The following PKNOX2 variants were observed in gnomAD, a reference collection of about 807,000 sequenced individuals.
PKNOX2 encodes the protein homeobox protein PKNOX2.
A neutral mutation model predicts 53.1 loss-of-function variants in PKNOX2; 14 were observed. The ratio of observed to expected loss-of-function variants is 0.26; its 90% CI spans 0.17 to 0.41. The LOEUF (loss-of-function observed/expected upper bound fraction) is 0.41. PKNOX2 is among the 10% of genes least tolerant of loss of function. The pLI, the probability that PKNOX2 is intolerant of heterozygous loss-of-function variation, is 1.00. For missense variants in PKNOX2, 496 were observed against 602.8 expected (o/e 0.82, Z 1.85); for synonymous variants, 257 against 242.8 (o/e 1.06, Z -0.54).
chr11:125,290,056 G>C (rs1947211698), intron 2 of PKNOX2, among the ~76,000 whole-genome samples: 1 of 152,148 alleles, frequency 6.6e-6, no homozygotes, highest in South Asian at 2.1e-4. Flanking sequence ...CTCCTTCCCA[G>C]CCCCAGCCCC....
intron 2 of PKNOX2, among the ~76,000 whole-genome samples, chr11:125,308,076 A>T (rs1349208193): frequency 1.3e-5 from 2 of 152,176 alleles, no homozygotes; most frequent in African/African-American, 4.8e-5. Context: ...GGAGACGAGA[A>T]TTTCCCACAG....
chr11:125,286,673 C>T (rs1046393250), intron 2 of PKNOX2, among the ~76,000 whole-genome samples: 13 of 152,220 alleles, frequency 8.5e-5, no homozygotes, highest in Non-Finnish European at 1.6e-4. Flanking sequence ...CTGGGCTGGG[C>T]GGAGCAATGG....
chr11:125,238,878 A>G (rs1395869496), intron 2 of PKNOX2, among the ~76,000 whole-genome samples: 1 of 152,216 alleles, frequency 6.6e-6, no homozygotes, highest in African/African-American at 2.4e-5. Flanking sequence ...CAAAGATCAG[A>G]TTTGAAGCCC....
chr11:125,354,527 C>T (rs987604130), intron 4 of PKNOX2, among the ~76,000 whole-genome samples: 1 of 152,180 alleles, frequency 6.6e-6, no homozygotes. Context: ...CAGAGCCCTT[C>T]CTCTGAGACC....
At chr11:125,409,983 G>C (rs762737066) in intron 7 of PKNOX2, 118 of 576,938 alleles carry the variant, frequency 2.0e-4, no homozygotes, top group Non-Finnish European at 3.0e-4. Context: ...GGTTAAATGG[G>C]TGACTCTTTT....
At chr11:125,324,975 G>A (rs992807589) in intron 2 of PKNOX2, among the ~76,000 whole-genome samples, 1 of 152,182 alleles carries the variant, frequency 6.6e-6, no homozygotes, top group African/African-American at 2.4e-5. Flanking sequence ...AGACAGGCAG[G>A]GCCTTGCAGA....
chr11:125,335,716 G>A (rs1191177239), intron 3 of PKNOX2, among the ~76,000 whole-genome samples: 2 of 152,184 alleles, frequency 1.3e-5, no homozygotes, highest in Admixed American at 1.3e-4. Context: ...TACTCAGGAG[G>A]CTGAGGAGGG....
intron 2 of PKNOX2, among the ~76,000 whole-genome samples, chr11:125,252,548 A>G (rs1944084203): frequency 6.6e-6 from 1 of 152,136 alleles, no homozygotes; most frequent in African/African-American, 2.4e-5. Flanking sequence ...GGTGTTTCAG[A>G]TGGAGAAATG....
intron 2 of PKNOX2, among the ~76,000 whole-genome samples, chr11:125,328,528 G>T (rs144307031): frequency 6.6e-6 from 1 of 152,118 alleles, no homozygotes; most frequent in African/African-American, 2.4e-5. Context: ...GCAGGAAGGA[G>T]TAGTAAAAAG....
intron 2 of PKNOX2, among the ~76,000 whole-genome samples, chr11:125,262,034 C>T (rs1285463354): frequency 6.6e-6 from 1 of 152,106 alleles, no homozygotes; most frequent in Admixed American, 6.5e-5. Flanking sequence ...CTGCAACCAA[C>T]TATTTTAGGG....
chr11:125,228,219 G>A (rs933891140), intron 1 of PKNOX2, among the ~76,000 whole-genome samples: 4 of 152,242 alleles, frequency 2.6e-5, no homozygotes, highest in Admixed American at 2.6e-4. Flanking sequence ...CTAGCTACAT[G>A]TGCTGTTGAG....
intron 1 of PKNOX2, among the ~76,000 whole-genome samples, chr11:125,224,067 T>C (rs947275130): frequency 2.6e-5 from 4 of 152,252 alleles, no homozygotes; most frequent in Non-Finnish European, 5.9e-5. Context: ...CCTTTGCCCC[T>C]GGACGCTGCT....
At chr11:125,286,821 T>C (rs368906230) in intron 2 of PKNOX2, among the ~76,000 whole-genome samples, 2 of 152,248 alleles carry the variant, frequency 1.3e-5, no homozygotes, top group African/African-American at 4.8e-5. Context: ...GGCATTGCCG[T>C]TTGGCCAGAG....
intron 2 of PKNOX2, among the ~76,000 whole-genome samples, chr11:125,282,325 C>T (rs1946611655): frequency 6.6e-6 from 1 of 152,192 alleles, no homozygotes; most frequent in South Asian, 2.1e-4. Flanking sequence ...TTCTGTTTAT[C>T]TCAGTGTCAT....
At chr11:125,375,341 G>C (rs369727858) in intron 5 of PKNOX2, among the ~76,000 whole-genome samples, 2 of 152,144 alleles carry the variant, frequency 1.3e-5, no homozygotes, top group African/African-American at 4.8e-5. Context: ...GTGGCTCCCA[G>C]GGTAATCCTG....
rs570091459 is a variant in PKNOX2, at chr11:125,416,260, G to A, written c.936+4395G>A. On this transcript the variant is annotated intron_variant, in intron 10 of 12. Coordinates refer to ENST00000298282, the MANE Select transcript of PKNOX2 (RefSeq NM_001382323.2). ...GGAGCTTGCAGTGAGCCGAGATCCC[G>A]CCACTGCACTCCAGCCTGGGCGACA... Among the ~76,000 whole-genome samples the A allele has an allele frequency of 2.4e-4, 29 of 122,296 alleles. 1 individual carries two copies. Among genetic ancestry groups the A allele is most frequent in the African/African-American group, 9.2e-4 (28 of 30,518 alleles). The allele number at this position is 122,296 out of a possible 152,430, so 80.2% of individuals were successfully genotyped here. A position where few individuals can be genotyped will look rare whatever the true frequency, so the allele number is the denominator to read the frequency against.
At chr11:125,376,071 A>G (rs1049208918) in intron 5 of PKNOX2, among the ~76,000 whole-genome samples, 1 of 152,140 alleles carries the variant, frequency 6.6e-6, no homozygotes. Flanking sequence ...TTTCACATAG[A>G]TGCGTTTAAT....
chr11:125,354,082 C>T (rs753301278), intron 4 of PKNOX2, among the ~76,000 whole-genome samples: 15 of 152,210 alleles, frequency 9.9e-5, no homozygotes, highest in East Asian at 1.9e-4. Context: ...ACAGCTCTTC[C>T]GTGCATGCCT....
intron 2 of PKNOX2, among the ~76,000 whole-genome samples, chr11:125,309,926 T>A (rs938574209): frequency 6.6e-6 from 1 of 152,230 alleles, no homozygotes; most frequent in Non-Finnish European, 1.5e-5. Flanking sequence ...CCAGACTGAA[T>A]TCTACTGACC....
Sources: allele counts gnomAD v4.1 joint callset (sites outside exome capture counted in the v4.1 genomes callset), GRCh38; gene constraint gnomAD v4.1.1; transcripts MANE v1.5; gene names NCBI Gene and HGNC (gene_info 2026-07-23, HGNC 2026-07-21).